The following HS6ST3 variants were observed in gnomAD, a reference collection of about 807,000 sequenced individuals.
HS6ST3 encodes the protein heparan sulfate 6-O-sulfotransferase 3.
A neutral mutation model predicts 36.7 loss-of-function variants in HS6ST3; 12 were observed. The ratio of observed to expected loss-of-function variants is 0.33; its 90% CI spans 0.21 to 0.53. The LOEUF is 0.53. Among genes scored for constraint, HS6ST3 ranks in the 20% least tolerant of loss-of-function variants. HS6ST3 has a pLI of 0.95. For missense variants in HS6ST3, 584 were observed against 640.9 expected (o/e 0.91, Z 0.96); for synonymous variants, 240 against 257.5 (o/e 0.93, Z 0.65).
chr13:96,261,046 C>T (rs1011342638), intron 1 of HS6ST3, among the ~76,000 whole-genome samples: 3 of 152,054 alleles, frequency 2.0e-5, no homozygotes, highest in African/African-American at 7.2e-5. Context: ...ATAAGAACAA[C>T]AATTCATATA....
At chr13:96,759,317 A>G (rs971829535) in intron 1 of HS6ST3, among the ~76,000 whole-genome samples, 9 of 151,844 alleles carry the variant, frequency 5.9e-5, no homozygotes, top group Non-Finnish European at 1.3e-4. Context: ...ATCAGGTTTT[A>G]GTCCACCATT....
At chr13:96,197,100 A>G (rs1279923089) in intron 1 of HS6ST3, among the ~76,000 whole-genome samples, 1 of 152,232 alleles carries the variant, frequency 6.6e-6, no homozygotes, top group African/African-American at 2.4e-5. Context: ...GTTAGATGAT[A>G]GAAATTTCTT....
At chr13:96,679,457 C>A (rs543199393) in intron 1 of HS6ST3, among the ~76,000 whole-genome samples, 1 of 152,166 alleles carries the variant, frequency 6.6e-6, no homozygotes, top group African/African-American at 2.4e-5. Flanking sequence ...ACATCTTCTT[C>A]ATGTAAAGTG....
At chr13:96,552,737 A>T (rs967813902) in intron 1 of HS6ST3, among the ~76,000 whole-genome samples, 5 of 152,180 alleles carry the variant, frequency 3.3e-5, no homozygotes, top group Non-Finnish European at 5.9e-5. Context: ...TTCAGCAGGT[A>T]GGGGACACCT....
At chr13:96,421,927 T>C (rs964198607) in intron 1 of HS6ST3, among the ~76,000 whole-genome samples, 1 of 152,230 alleles carries the variant, frequency 6.6e-6, no homozygotes, top group African/African-American at 2.4e-5. Context: ...CATGTTTTCA[T>C]GCCTTGGCTC....
intron 1 of HS6ST3, among the ~76,000 whole-genome samples, chr13:96,800,211 C>T (rs1192296806): frequency 1.3e-5 from 2 of 150,434 alleles, no homozygotes; most frequent in Admixed American, 6.7e-5. Context: ...GGAAAAAATG[C>T]AGAGAAAGCA....
At chr13:96,355,988 A>C (rs2055208270) in intron 1 of HS6ST3, among the ~76,000 whole-genome samples, 1 of 152,186 alleles carries the variant, frequency 6.6e-6, no homozygotes, top group Non-Finnish European at 1.5e-5. Context: ...TCAAGAAATC[A>C]CTTTCTTTGC....
intron 1 of HS6ST3, among the ~76,000 whole-genome samples, chr13:96,282,227 T>C (rs540523085): frequency 6.6e-6 from 1 of 152,172 alleles, no homozygotes; most frequent in African/African-American, 2.4e-5. Context: ...AAGAAGGGGG[T>C]GACTCTTCTG....
intron 1 of HS6ST3, among the ~76,000 whole-genome samples, chr13:96,539,226 C>A (rs984567427): frequency 5.3e-5 from 8 of 152,182 alleles, no homozygotes; most frequent in Non-Finnish European, 4.4e-5. Context: ...AGTTTATGTT[C>A]TCTCCTAGCA....
intron 1 of HS6ST3, among the ~76,000 whole-genome samples, chr13:96,173,201 G>C (rs2054196352): frequency 6.6e-6 from 1 of 152,116 alleles, no homozygotes; most frequent in South Asian, 2.1e-4. Flanking sequence ...ATTTTAGATA[G>C]TCAGGGATGT....
chr13:96,799,998 G>GTATATATATATACGTA lies in HS6ST3; in HGVS notation c.708-32480_708-32479insCGTATATATATATATA, dbSNP rs1878024457. 2.7e-5 allele frequency among the ~76,000 whole-genome samples: 2 copies of GTATATATATATACGTA among 75,312 alleles called. 1 individual carries two copies. Among genetic ancestry groups the GTATATATATATACGTA allele is most frequent in the Non-Finnish European group, 4.7e-5 (2 of 42,494 alleles). 49.4% of individuals were successfully genotyped at this position (75,312 alleles called of 152,430 possible). ...TATATATATGTATATATATATATAT[G>GTATATATATATACGTA]TATATATATATATATGTATATATAT... On this transcript the variant is annotated intron_variant, in intron 1 of 1. Coordinates refer to ENST00000376705, the MANE Select transcript of HS6ST3 (RefSeq NM_153456.4).
chr13:96,833,224 G>T lies in HS6ST3; in HGVS notation c.*26G>T, dbSNP rs761117322. 8 of 1,476,936 alleles carry T rather than the reference G, an allele frequency of 5.4e-6. No individual in the cohort carries two copies. Among genetic ancestry groups the T allele is most frequent in the East Asian group, 2.4e-5 (1 of 42,132 alleles). The allele number at this position is 1,476,936 out of a possible 1,614,324, so 91.5% of individuals were successfully genotyped here. A position where few individuals can be genotyped will look rare whatever the true frequency, so the allele number is the denominator to read the frequency against. ...CCTCCTGCCCTCTCCTCTCTCAGGA[G>T]GGGGAGGGTGAGCAGGCACATTGAC... On this transcript the variant is annotated 3_prime_UTR_variant, in exon 2 of 2. Transcript: ENST00000376705.
intron 1 of HS6ST3, among the ~76,000 whole-genome samples, chr13:96,320,174 T>A (rs1219923027): frequency 1.3e-5 from 2 of 152,216 alleles, no homozygotes; most frequent in African/African-American, 4.8e-5. Flanking sequence ...TTTTTTGTCC[T>A]GAAAAGTCAC....
chr13:96,112,608 T>C lies in HS6ST3; in HGVS notation c.707+21039T>C, dbSNP rs1192434749. On this transcript the variant is annotated intron_variant, in intron 1 of 1. Transcript: ENST00000376705. ...ATATATATATATATATATATATATA[T>C]ATATATATATATATGCCCGGCTGGT... 5.2e-4 allele frequency among the ~76,000 whole-genome samples: 53 copies of C among 102,668 alleles called. 3 individuals are homozygous for C. The South Asian group carries it at 0.011, about 21-fold the overall frequency. The allele number at this position is 102,668 out of a possible 152,430, so 67.4% of individuals were successfully genotyped here.
At chr13:96,433,464 G>A (rs148061395) in intron 1 of HS6ST3, among the ~76,000 whole-genome samples, 17 of 152,308 alleles carry the variant, frequency 1.1e-4, no homozygotes, top group Admixed American at 4.6e-4. Flanking sequence ...TCTTATGGTA[G>A]TGAATAAGTT....
intron 1 of HS6ST3, among the ~76,000 whole-genome samples, chr13:96,127,537 C>A (rs575814738): frequency 3.9e-5 from 6 of 152,164 alleles, no homozygotes; most frequent in African/African-American, 1.4e-4. Context: ...TAACAGGCGA[C>A]GGACTGGTAT....
At chr13:96,628,318 T>C (rs190064485) in intron 1 of HS6ST3, among the ~76,000 whole-genome samples, 272 of 152,118 alleles carry the variant, frequency 1.8e-3, no homozygotes, top group African/African-American at 6.4e-3. Flanking sequence ...TAATTCTTTT[T>C]CTAGGTATTT....
At chr13:96,233,939 C>T (rs376482179) in intron 1 of HS6ST3, among the ~76,000 whole-genome samples, 1 of 152,056 alleles carries the variant, frequency 6.6e-6, no homozygotes, top group Non-Finnish European at 1.5e-5. Context: ...TGCAGACTCA[C>T]AAAGAAGCCA....
intron 1 of HS6ST3, among the ~76,000 whole-genome samples, chr13:96,539,291 C>G (rs549059237): frequency 1.3e-5 from 2 of 152,298 alleles, no homozygotes; most frequent in South Asian, 4.1e-4. Flanking sequence ...CAATGTGTCT[C>G]CATCCTATGA....
Sources: gnomAD v4.1 joint callset for allele counts (sites outside exome capture counted in the v4.1 genomes callset) on GRCh38, gnomAD v4.1.1 for gene constraint, MANE v1.5 for transcripts, NCBI Gene and HGNC (gene_info 2026-07-23, HGNC 2026-07-21) for gene names.